Variants in PBX1 observed in about 807,000 individuals in gnomAD.
PBX1 encodes the protein pre-B-cell leukemia transcription factor 1.
A neutral mutation model predicts 53.4 loss-of-function variants in PBX1; 6 were observed. The observed-to-expected ratio is 0.11, with a 90% CI of 0.06 to 0.22. The LOEUF (loss-of-function observed/expected upper bound fraction) is 0.22. Among genes scored for constraint, PBX1 ranks in the 10% least tolerant of loss-of-function variants. The probability of loss-of-function intolerance (pLI) is 1.00; values close to 1 mark genes in which losing one functional copy is unlikely to be tolerated. For missense variants in PBX1, 251 were observed against 551.4 expected (o/e 0.46, Z 5.46); for synonymous variants, 204 against 212.3 (o/e 0.96, Z 0.34).
chr1:164,830,316 GC>G (rs889873401), intron 8 of PBX1, among the ~76,000 whole-genome samples: 1 of 152,158 alleles, frequency 6.6e-6, no homozygotes, highest in Admixed American at 6.5e-5. Context: ...TTAAAATGAA[GC>G]CACCAAAGTG....
chr1:164,755,575 A>T (rs1666466862), intron 2 of PBX1, among the ~76,000 whole-genome samples: 1 of 151,964 alleles, frequency 6.6e-6, no homozygotes, highest in Non-Finnish European at 1.5e-5. Context: ...TTTTTTTTTT[A>T]AAGAAATGAA....
intron 2 of PBX1, among the ~76,000 whole-genome samples, chr1:164,719,828 C>T (rs1365596522): frequency 1.3e-5 from 2 of 152,114 alleles, no homozygotes; most frequent in Non-Finnish European, 2.9e-5. Flanking sequence ...CTGAGGCACA[C>T]GGTCTGCTGC....
intron 2 of PBX1, among the ~76,000 whole-genome samples, chr1:164,654,410 TA>T: frequency 6.6e-6 from 1 of 152,352 alleles, no homozygotes; most frequent in East Asian, 1.9e-4. Flanking sequence ...TCATTGATTT[TA>T]AACTTACTAT....
intron 2 of PBX1, among the ~76,000 whole-genome samples, chr1:164,620,746 G>A (rs150558880): frequency 0.031 from 4,638 of 151,698 alleles, 245 homozygotes; most frequent in African/African-American, 0.11. Context: ...GCAGTGGTGC[G>A]ATCTCGCCTC....
chr1:164,569,705 G>A (rs1653708555), intron 2 of PBX1, among the ~76,000 whole-genome samples: 1 of 151,350 alleles, frequency 6.6e-6, no homozygotes, highest in Non-Finnish European at 1.5e-5. Context: ...TGAGTAGCTG[G>A]GATTCCAGGC....
At chr1:164,822,117 G>A (rs1253672019) in intron 8 of PBX1, among the ~76,000 whole-genome samples, 1 of 152,080 alleles carries the variant, frequency 6.6e-6, no homozygotes, top group Non-Finnish European at 1.5e-5. Context: ...GAGGGATGCA[G>A]ACCATCTTCT....
chr1:164,667,991 A>C (rs6676231), intron 2 of PBX1, among the ~76,000 whole-genome samples: 5,065 of 152,266 alleles, frequency 0.033, 120 homozygotes, highest in Admixed American at 0.056. Flanking sequence ...TTCTCCCTCC[A>C]GAGTGGGTGG....
intron 4 of PBX1, among the ~76,000 whole-genome samples, chr1:164,802,057 G>A (rs1022594586): frequency 6.6e-6 from 1 of 152,164 alleles, no homozygotes; most frequent in African/African-American, 2.4e-5. Flanking sequence ...CACCAAAAAA[G>A]ATTTCATGGA....
At chr1:164,833,706 AT>A (rs1470997023) in intron 8 of PBX1, among the ~76,000 whole-genome samples, 1 of 152,126 alleles carries the variant, frequency 6.6e-6, no homozygotes, top group Non-Finnish European at 1.5e-5. Flanking sequence ...TAGGTGCTCA[AT>A]GAATGCTTTT....
intron 2 of PBX1, among the ~76,000 whole-genome samples, chr1:164,861,043 A>G (rs766195300): frequency 6.6e-5 from 10 of 152,130 alleles, no homozygotes; most frequent in Non-Finnish European, 1.5e-4. Context: ...GGAACAAAAA[A>G]GAGGAAAGGG....
Position 164,848,852 on chromosome 1 carries a change from G to A in PBX1, c.*2176G>A. 9.4e-7 allele frequency: 1 copy of A among 1,065,518 alleles called. No homozygotes were observed. The highest frequency in any genetic ancestry group is 1.1e-6 in the Non-Finnish European group (1 of 879,556). The allele number at this position is 1,065,518 out of a possible 1,614,324, so 66.0% of individuals were successfully genotyped here. A position where few individuals can be genotyped will look rare whatever the true frequency, so the allele number is the denominator to read the frequency against. On this transcript the variant is annotated 3_prime_UTR_variant, in exon 9 of 9. Coordinates refer to ENST00000420696, the MANE Select transcript of PBX1 (RefSeq NM_002585.4). ...ACACTGTGTGTGCTCAGGGGAGCAG[G>A]GGATGCCACTGAAGAAACTCAAGGG...
chr1:164,849,831 T>C lies in PBX1; in HGVS notation c.*3155T>C, dbSNP rs1357487611. The C allele has an allele frequency of 4.3e-6, 1 of 232,800 alleles. No individual in the cohort carries two copies. The highest frequency in any genetic ancestry group is 8.5e-6 in the Non-Finnish European group (1 of 117,906). 14.4% of individuals were successfully genotyped at this position (232,800 alleles called of 1,614,324 possible). Reference sequence around the variant, plus strand: ...TGTCTCTCTCTTTCCTGCTCTTTGTTTTTCTGCCCAGAAAAACCTGACTTC... The same window carrying C: ...TGTCTCTCTCTTTCCTGCTCTTTGTCTTTCTGCCCAGAAAAACCTGACTTC... On this transcript the variant is annotated 3_prime_UTR_variant, in exon 9 of 9. Coordinates refer to ENST00000420696, the MANE Select transcript of PBX1 (RefSeq NM_002585.4).
intron 2 of PBX1, among the ~76,000 whole-genome samples, chr1:164,754,147 T>A (rs559315856): frequency 6.6e-6 from 1 of 152,278 alleles, no homozygotes; most frequent in Admixed American, 6.5e-5. Context: ...CCCTGCTGCC[T>A]ATGTGCCCGG....
chr1:164,818,104 G>A (rs1468929448), intron 6 of PBX1: 1 of 152,138 alleles, frequency 6.6e-6, no homozygotes, highest in African/African-American at 2.4e-5. Context: ...AGCATGTATT[G>A]TAATACATTA....
intron 2 of PBX1, among the ~76,000 whole-genome samples, chr1:164,640,290 G>A (rs1215592564): frequency 6.6e-6 from 1 of 152,118 alleles, no homozygotes; most frequent in African/African-American, 2.4e-5. Context: ...AAGGCCTTGG[G>A]TTCTAAACTG....
chr1:164,853,893 A>G (rs910699470), downstream of PBX1, among the ~76,000 whole-genome samples: 6 of 151,962 alleles, frequency 3.9e-5, no homozygotes, highest in African/African-American at 7.2e-5. Flanking sequence ...CTTATAGATT[A>G]GACTTCCACC....
intron 2 of PBX1, among the ~76,000 whole-genome samples, chr1:164,584,138 A>T (rs1242273501): frequency 2.6e-5 from 4 of 151,972 alleles, no homozygotes; most frequent in Non-Finnish European, 5.9e-5. Context: ...GGAGGAAAGG[A>T]ATCACAAATA....
At chr1:164,753,715 T>G (rs1450991912) in intron 2 of PBX1, among the ~76,000 whole-genome samples, 2 of 152,214 alleles carry the variant, frequency 1.3e-5, no homozygotes, top group African/African-American at 4.8e-5. Context: ...CTAGCTGGGC[T>G]TGGGGGACGA....
At position 164,739,767 on chromosome 1, in the gene PBX1, G is replaced by A. The variant is rs866763325; in HGVS notation, c.266-52727G>A. ...AGTGGTTGTGCATGTGTGTGTGTGT[G>A]TGTGTGTGTGTGTGTGTGTGTGTAT... is the stretch of plus-strand genomic sequence containing the variant. On this transcript the variant is annotated intron_variant, in intron 2 of 8. Coordinates refer to ENST00000420696, the MANE Select transcript of PBX1 (RefSeq NM_002585.4). Among the ~76,000 whole-genome samples the A allele has an allele frequency of 1.0e-3, 152 of 151,170 alleles. 1 individual carries two copies. The highest frequency in any genetic ancestry group is 3.5e-3 in the African/African-American group (146 of 41,400).
Sources: gnomAD v4.1 joint callset for allele counts (sites outside exome capture counted in the v4.1 genomes callset) on GRCh38, gnomAD v4.1.1 for gene constraint, MANE v1.5 for transcripts, NCBI Gene and HGNC (gene_info 2026-07-23, HGNC 2026-07-21) for gene names.